KANSL2: variants seen among roughly 807,000 people sequenced by gnomAD.
The protein encoded by KANSL2 is NSL complex protein NSL2.
KANSL2 carries 34 observed loss-of-function variants against 55.6 expected under a neutral mutation model. The ratio of observed to expected loss-of-function variants is 0.61; its 90% CI spans 0.46 to 0.81. The LOEUF is 0.81. KANSL2 is among the 40% of genes least tolerant of loss of function. KANSL2 has a pLI of 0.00. For synonymous variants in KANSL2, 209 were observed against 214.3 expected (o/e 0.98, Z 0.22); for missense variants, 502 against 609.9 (o/e 0.82, Z 1.86).
At chr12:48,682,124 A>G (rs1399566824) in intron 1 of KANSL2, 63 bp downstream of exon 1, 2 of 702,854 alleles carry the variant, frequency 2.8e-6, no homozygotes, top group Non-Finnish European at 2.6e-6. Flanking sequence ...CTCTGAGCTG[A>G]CAAAAAGAGC....
intron 4 of KANSL2, among the ~76,000 whole-genome samples, chr12:48,674,165 G>A (rs940041513): frequency 4.6e-5 from 7 of 152,148 alleles, no homozygotes; most frequent in African/African-American, 1.7e-4. Flanking sequence ...TTTTAAGACA[G>A]AGTCTTGCTC....
At chr12:48,660,017 G>A (rs889758503) in intron 8 of KANSL2, among the ~76,000 whole-genome samples, 2 of 152,184 alleles carry the variant, frequency 1.3e-5, no homozygotes, top group Non-Finnish European at 2.9e-5. Context: ...GTCATAATAG[G>A]TACTGAGTTT....
intron 7 of KANSL2, among the ~76,000 whole-genome samples, chr12:48,660,899 C>T (rs1337615754): frequency 6.6e-6 from 1 of 152,152 alleles, no homozygotes; most frequent in East Asian, 1.9e-4. Flanking sequence ...ATCCCATTCT[C>T]CCTTAAGCAA....
intron 7 of KANSL2, among the ~76,000 whole-genome samples, chr12:48,664,513 C>T (rs1349300424): frequency 2.0e-5 from 3 of 150,288 alleles, no homozygotes; most frequent in African/African-American, 7.4e-5. Context: ...CTCCTGACCT[C>T]GTGATCTGCC....
chr12:48,677,633 T>A (rs1300376878), intron 4 of KANSL2, among the ~76,000 whole-genome samples: 1 of 151,620 alleles, frequency 6.6e-6, no homozygotes, highest in Non-Finnish European at 1.5e-5. Context: ...TACAAAAAAT[T>A]ACCTGGGTGT....
chr12:48,680,616 A>G (rs1416311263), intron 2 of KANSL2, among the ~76,000 whole-genome samples: 1 of 152,212 alleles, frequency 6.6e-6, no homozygotes, highest in Non-Finnish European at 1.5e-5. Flanking sequence ...ACACACATAT[A>G]TAACTTTGCA....
chr12:48,662,247 GGC>G (rs1285157183), intron 7 of KANSL2, among the ~76,000 whole-genome samples: 1 of 152,160 alleles, frequency 6.6e-6, no homozygotes, highest in Non-Finnish European at 1.5e-5. Flanking sequence ...TGGGATTACA[GGC>G]ACCTGCCATC....
At chr12:48,654,358 C>T (rs748461426) in intron 9 of KANSL2, 183 bp from the exon 10 acceptor site, 10 of 806,346 alleles carry the variant, frequency 1.2e-5, no homozygotes, top group Non-Finnish European at 2.3e-5. Context: ...TCCTGAGCCT[C>T]TTCCAATGGG....
intron 5 of KANSL2, among the ~76,000 whole-genome samples, chr12:48,670,689 G>A (rs1939696287): frequency 6.6e-6 from 1 of 152,220 alleles, no homozygotes; most frequent in Non-Finnish European, 1.5e-5. Flanking sequence ...ATAAAGGCCA[G>A]GTGCAGTGGC....
Position 48,653,849 on chromosome 12 carries a change from C to T in KANSL2, c.*195G>A, listed in dbSNP as rs1939327453. ...GCTTTGATAGGGATTATCTCTCTTTCTCTTCCTTGCCCTGAGTGGGAAGAA... is the reference window on the plus strand; with the variant it reads ...GCTTTGATAGGGATTATCTCTCTTTTTCTTCCTTGCCCTGAGTGGGAAGAA... On this transcript the variant is annotated 3_prime_UTR_variant, in exon 10 of 10. Transcript: ENST00000420613. 2.2e-6 allele frequency: 1 copy of T among 463,284 alleles called. No homozygotes were observed. 28.7% of individuals were successfully genotyped at this position (463,284 alleles called of 1,614,324 possible).
intron 4 of KANSL2, among the ~76,000 whole-genome samples, chr12:48,677,864 C>T (rs1275027409): frequency 1.4e-5 from 2 of 142,930 alleles, no homozygotes; most frequent in African/African-American, 5.2e-5. Context: ...TGCAAGAGAA[C>T]AGTCATTCCC....
At chr12:48,657,483 C>T (rs1490569553) in intron 8 of KANSL2, among the ~76,000 whole-genome samples, 1 of 151,848 alleles carries the variant, frequency 6.6e-6, no homozygotes, top group African/African-American at 2.4e-5. Flanking sequence ...GCACAGGATA[C>T]ACTCAACCTA....
At chr12:48,674,953 CA>C (rs1443590682) in intron 4 of KANSL2, among the ~76,000 whole-genome samples, 2 of 144,152 alleles carry the variant, frequency 1.4e-5, no homozygotes, top group Non-Finnish European at 3.1e-5. Context: ...ATAAAATAAA[CA>C]AATTAAATAA....
intron 7 of KANSL2, chr12:48,662,720 A>C (rs1331747544): frequency 5.4e-6 from 6 of 1,102,436 alleles, no homozygotes; most frequent in Non-Finnish European, 7.0e-6. Flanking sequence ...GAAAGAGCAT[A>C]AAAGGAAAAA....
In KANSL2 at chr12:48,653,991, C is replaced by A. The variant is rs1023903667; in HGVS notation, c.*53G>T. On this transcript the variant is annotated 3_prime_UTR_variant, in exon 10 of 10. Transcript: ENST00000420613. The stretch of plus-strand genomic sequence containing the variant: ...TTGTGAGAGATGATCAGAAATACTT[C>A]TTTGAAGAACGAGAAATTTAAATCC... 6.6e-7 allele frequency: 1 copy of A among 1,506,132 alleles called. No homozygotes were observed. The allele number at this position is 1,506,132 out of a possible 1,614,324, so 93.3% of individuals were successfully genotyped here.
At position 48,679,774 on chromosome 12, in the gene KANSL2, T is replaced by C; in HGVS notation, c.311A>G (p.Lys104Arg). Residue 104 changes from lysine to arginine, a missense_variant, in exon 3 of 10, where the codon AAG becomes AGG. Lys to Arg is a conservative substitution (Grantham distance 26). Coordinates refer to ENST00000420613, the MANE Select transcript of KANSL2 (RefSeq NM_017822.4). The stretch of plus-strand genomic sequence containing the variant: ...ACCCACAGGCCCTGGGTTGGTCTTC[T>C]TCATTTGAGCATGAAGTGCCAGGGC... ...RNALALHAQM[K>R]KTNPGPVGET... The C allele has an allele frequency of 6.2e-7, 1 of 1,609,548 alleles. No homozygotes were observed. Among genetic ancestry groups the C allele is most frequent in the Non-Finnish European group, 8.5e-7 (1 of 1,177,868 alleles).
rs2137208997 is a variant in KANSL2, at chr12:48,681,405, G to A, written c.228C>T (p.Ala76=). ...ACCCATCTTTCTTCTCTGGCTTTGG[G>A]GCAGCATTGGGACATCTTTTTCCAT... The part of the protein sequence containing the change: ...TKNGKRCPNA[A]PKPEKKDGVS... The change falls in exon 2 of 10, where the codon GCC becomes GCT. Residue 76 remains alanine, a synonymous_variant. Coordinates refer to ENST00000420613, the MANE Select transcript of KANSL2 (RefSeq NM_017822.4). The A allele has an allele frequency of 6.2e-7, 1 of 1,613,532 alleles. No homozygotes were observed. Among genetic ancestry groups the A allele is most frequent in the Non-Finnish European group, 8.5e-7 (1 of 1,179,686 alleles).
intron 5 of KANSL2, 69 bp downstream of exon 5, chr12:48,671,730 C>T: frequency 1.4e-6 from 2 of 1,440,476 alleles, no homozygotes; most frequent in South Asian, 1.3e-5. Flanking sequence ...CATTAAGTGA[C>T]ACATGACTGT....
Position 48,674,764 on chromosome 12 carries a change from A to C in KANSL2, c.546-2802T>G, listed in dbSNP as rs182975898. On this transcript the variant is annotated intron_variant, in intron 4 of 9. Transcript: ENST00000420613. The stretch of plus-strand genomic sequence containing the variant: ...AACATGGCAAAACAGCCTCTCTACT[A>C]AAAATACAAAAATTAGCCAGGTATG... Among the ~76,000 whole-genome samples, 6 of 152,032 alleles carry C rather than the reference A, an allele frequency of 3.9e-5. No homozygotes were observed. In the East Asian group the frequency reaches 1.2e-3, roughly 29 times the overall value.
Sources: allele counts gnomAD v4.1 joint callset (sites outside exome capture counted in the v4.1 genomes callset), GRCh38; gene constraint gnomAD v4.1.1; transcripts MANE v1.5; gene names NCBI Gene and HGNC (gene_info 2026-07-23, HGNC 2026-07-21).